TMEM132B: variants seen among roughly 807,000 people sequenced by gnomAD.
TMEM132B encodes transmembrane protein 132B.
TMEM132B carries 18 observed loss-of-function variants against 90.8 expected under a neutral mutation model. The ratio of observed to expected loss-of-function variants is 0.20; its 90% CI spans 0.14 to 0.29. The LOEUF (loss-of-function observed/expected upper bound fraction) is 0.29, where lower values mean the gene tolerates loss of function less well. TMEM132B is among the 10% of genes least tolerant of loss of function. The pLI is 1.00. For synonymous variants in TMEM132B, 504 were observed against 523.3 expected, an observed-to-expected ratio of 0.96 and a Z score of 0.50; for missense variants, 1,096 against 1,326.8, an observed-to-expected ratio of 0.83 and a Z score of 2.70.
intron 4 of TMEM132B, among the ~76,000 whole-genome samples, chr12:125,565,724 C>G (rs527572207): frequency 6.6e-6 from 1 of 152,308 alleles, no homozygotes; most frequent in South Asian, 2.1e-4. Flanking sequence ...GATGCTTCTT[C>G]TCTTTTCTCT....
In TMEM132B at chr12:125,415,772, A is replaced by G; in HGVS notation, c.1106+95A>G. 6.9e-7 allele frequency: 1 copy of G among 1,452,020 alleles called. No homozygotes were observed. Among genetic ancestry groups the G allele is most frequent in the Non-Finnish European group, 9.2e-7 (1 of 1,088,306 alleles). The allele number at this position is 1,452,020 out of a possible 1,614,324, so 89.9% of individuals were successfully genotyped here. A position where few individuals can be genotyped will look rare whatever the true frequency, so the allele number is the denominator to read the frequency against. ...AAATAATGTGCGTGTGGATAAAGCG[A>G]TGCCTCTGCGTTTAATGAGAAATGA... On this transcript the variant is annotated intron_variant, in intron 3 of 8. Coordinates refer to ENST00000682704, the MANE Select transcript of TMEM132B (RefSeq NM_001366854.1). This position sits in a 1 kb window ranked among gnomAD's most constrained non-coding sequence, Gnocchi z 5.3.
intron 3 of TMEM132B, among the ~76,000 whole-genome samples, chr12:125,457,963 T>C (rs1490572378): frequency 6.6e-6 from 1 of 152,062 alleles, no homozygotes; most frequent in African/African-American, 2.4e-5. Context: ...CCTGCTGTGG[T>C]CACAATGTGG....
rs1527135 is a variant in TMEM132B, at chr12:125,493,472, G to C, written c.1107-25967G>C. Among the ~76,000 whole-genome samples the C allele has an allele frequency of 3.3e-5, 5 of 152,212 alleles. No homozygotes were observed. The East Asian group carries it at 9.7e-4, about 29-fold the overall frequency. ...GGGGGTGAATCTGGAAGGTAGCTTG[G>C]GGTCACACCAGAGGGAACGTCGACT... On this transcript the variant is annotated intron_variant, in intron 3 of 8. Coordinates refer to ENST00000682704, the MANE Select transcript of TMEM132B (RefSeq NM_001366854.1).
chr12:125,496,568 A>C (rs1211614308), intron 3 of TMEM132B, among the ~76,000 whole-genome samples: 1 of 152,112 alleles, frequency 6.6e-6, no homozygotes, highest in African/African-American at 2.4e-5. Flanking sequence ...CAAATATTAG[A>C]GAGAATACAT....
At chr12:125,262,682 C>T (rs766402303) in intron 1 of TMEM132B, among the ~76,000 whole-genome samples, 6 of 152,188 alleles carry the variant, frequency 3.9e-5, no homozygotes, top group Non-Finnish European at 7.3e-5. Context: ...CCCAGAAAGA[C>T]GCTGTCAAAA....
chr12:125,606,654 A>G (rs1230218531), intron 5 of TMEM132B, among the ~76,000 whole-genome samples: 9 of 152,166 alleles, frequency 5.9e-5, no homozygotes, highest in African/African-American at 2.2e-4. Context: ...GGGCTTCCAT[A>G]ACCAATGTTG....
intron 5 of TMEM132B, chr12:125,586,835 G>T (rs960440419): frequency 3.3e-5 from 5 of 152,200 alleles, no homozygotes; most frequent in Non-Finnish European, 7.3e-5. Context: ...AAGTGAAAAG[G>T]TGAGAGTTCT....
At chr12:125,284,068 C>T (rs1875276529) in intron 1 of TMEM132B, among the ~76,000 whole-genome samples, 1 of 152,156 alleles carries the variant, frequency 6.6e-6, no homozygotes, top group South Asian at 2.1e-4. Flanking sequence ...TGACTGACAG[C>T]CCTGTTTCCT....
chr12:125,517,555 G>A (rs941408254), intron 3 of TMEM132B, among the ~76,000 whole-genome samples: 1 of 151,988 alleles, frequency 6.6e-6, no homozygotes, highest in Admixed American at 6.6e-5. Flanking sequence ...TAGATCCCAA[G>A]TACCTATGTG....
chr12:125,219,534 T>C (rs542585395), intron 1 of TMEM132B, among the ~76,000 whole-genome samples: 1 of 152,234 alleles, frequency 6.6e-6, no homozygotes, highest in African/African-American at 2.4e-5. Context: ...CAGAGCTGGA[T>C]CGGGGGTCCT....
intron 3 of TMEM132B, among the ~76,000 whole-genome samples, chr12:125,423,949 GT>G (rs761205251): frequency 6.6e-5 from 10 of 152,232 alleles, no homozygotes; most frequent in South Asian, 2.1e-4. Context: ...GGTCAAAGTG[GT>G]TAACCCTCTT....
At chr12:125,399,711 T>C (rs1295461685) in intron 2 of TMEM132B, among the ~76,000 whole-genome samples, 3 of 152,142 alleles carry the variant, frequency 2.0e-5, no homozygotes, top group African/African-American at 7.2e-5. Flanking sequence ...ACAGCTAGCA[T>C]AGAACAGGAA....
intron 1 of TMEM132B, among the ~76,000 whole-genome samples, chr12:125,315,867 C>T (rs1269967817): frequency 6.6e-6 from 1 of 152,108 alleles, no homozygotes; most frequent in Non-Finnish European, 1.5e-5. Context: ...AGCAGTGGCT[C>T]CAGAGACTGA....
At chr12:125,297,697 C>T (rs1361517899) in intron 1 of TMEM132B, among the ~76,000 whole-genome samples, 1 of 152,212 alleles carries the variant, frequency 6.6e-6, no homozygotes, top group Non-Finnish European at 1.5e-5. Context: ...GCTGGCCAAG[C>T]AGACTGCTGG....
chr12:125,564,980 G>C (rs550300195), intron 4 of TMEM132B, among the ~76,000 whole-genome samples: 2 of 152,300 alleles, frequency 1.3e-5, no homozygotes, highest in African/African-American at 4.8e-5. Context: ...ACTGAGGTGG[G>C]AGGAGGAGGA....
chr12:125,364,229 T>G (rs549031934), intron 2 of TMEM132B, among the ~76,000 whole-genome samples: 1 of 152,322 alleles, frequency 6.6e-6, no homozygotes, highest in African/African-American at 2.4e-5. Context: ...ATCTAGTTGG[T>G]GGGAGACATG....
rs1313896297 is a variant in TMEM132B at position 125,407,912 on chromosome 12, C to A, written c.960-7619C>A. 6.6e-6 allele frequency among the ~76,000 whole-genome samples: 1 copy of A among 152,332 alleles called. No homozygotes were observed. Among genetic ancestry groups the A allele is most frequent in the Non-Finnish European group, 1.5e-5 (1 of 68,026 alleles). On this transcript the variant is annotated intron_variant, in intron 2 of 8. Transcript: ENST00000682704. This position sits in a 1 kb window ranked among gnomAD's most constrained non-coding sequence, Gnocchi z 6.7. ...TTCATATTGAACTGTAACCTACATG[C>A]AGAAGAGTCCACATAAGCGAGCACA... is the stretch of plus-strand genomic sequence containing the variant.
intron 4 of TMEM132B, among the ~76,000 whole-genome samples, chr12:125,556,477 C>G (rs960037116): frequency 6.6e-6 from 1 of 151,988 alleles, no homozygotes; most frequent in African/African-American, 2.4e-5. Flanking sequence ...GAAGAAAAAC[C>G]CGGGGGATGT....
chr12:125,205,782 C>T (rs910680744), intron 1 of TMEM132B, among the ~76,000 whole-genome samples: 15 of 152,206 alleles, frequency 9.9e-5, no homozygotes, highest in Non-Finnish European at 1.0e-4. Flanking sequence ...TTGGAAACCA[C>T]GTCCGTCGCA....
Sources: allele counts gnomAD v4.1 joint callset (sites outside exome capture counted in the v4.1 genomes callset), GRCh38; gene constraint gnomAD v4.1.1; non-coding constraint Gnocchi (gnomAD v3.1); transcripts MANE v1.5; gene names NCBI Gene and HGNC (gene_info 2026-07-23, HGNC 2026-07-21).